The following ZNF292 variants were observed in gnomAD, a reference collection of about 807,000 sequenced individuals.
The protein encoded by ZNF292 is 16 zinc-finger domain protein.
Under a neutral mutation model 217.9 loss-of-function variants are expected in ZNF292, and 26 were observed. The observed-to-expected ratio is 0.12, with a 90% CI of 0.09 to 0.17. The LOEUF (loss-of-function observed/expected upper bound fraction) is 0.17, where lower values mean the gene tolerates loss of function less well. Among genes scored for constraint, ZNF292 ranks in the 10% least tolerant of loss-of-function variants. The pLI is 1.00. For missense variants in ZNF292, 2,904 were observed against 3,175.2 expected (o/e 0.91, Z 2.05); for synonymous variants, 1,257 against 1,124.1 (o/e 1.12, Z -2.37).
At chr6:87,226,133 T>C (rs530101158) in intron 4 of ZNF292, among the ~76,000 whole-genome samples, 2 of 152,298 alleles carry the variant, frequency 1.3e-5, no homozygotes, top group South Asian at 4.2e-4. Context: ...CTATATTGGG[T>C]TAATTTGCAA....
intron 4 of ZNF292, chr6:87,222,776 A>C (rs1377364113): frequency 4.4e-6 from 2 of 451,586 alleles, no homozygotes; most frequent in African/African-American, 4.0e-5. Context: ...CCAGGATTCC[A>C]TCCAGGATAC....
rs149315198 is a variant in ZNF292 at position 87,214,348 on chromosome 6, G to T, written c.169-1555G>T. The stretch of plus-strand genomic sequence containing the variant: ...AGATCAGGAATAGCTTTACCTTTGG[G>T]TTTCATGTGGATTGAGCTAAGGAAC... On this transcript the variant is annotated intron_variant, in intron 1 of 7. Coordinates refer to ENST00000369577, the MANE Select transcript of ZNF292 (RefSeq NM_015021.3). Among the ~76,000 whole-genome samples the T allele has an allele frequency of 9.4e-3, 1,430 of 152,102 alleles. 19 individuals are homozygous for T. The highest frequency in any genetic ancestry group is 0.032 in the African/African-American group (1,346 of 41,470).
chr6:87,169,755 T>A (rs1203196090), intron 1 of ZNF292: 3 of 428,804 alleles, frequency 7.0e-6, no homozygotes, highest in South Asian at 4.9e-5. Context: ...CAAGTGATCC[T>A]CCCACCTCAG....
chr6:87,207,154 G>A (rs1273664089), intron 1 of ZNF292, among the ~76,000 whole-genome samples: 3 of 152,206 alleles, frequency 2.0e-5, no homozygotes, highest in African/African-American at 7.2e-5. Context: ...GGGTACAGTT[G>A]TCTGCTTTCA....
intron 1 of ZNF292, among the ~76,000 whole-genome samples, chr6:87,196,978 A>G (rs1222657099): frequency 3.3e-5 from 5 of 152,238 alleles, no homozygotes; most frequent in Non-Finnish European, 4.4e-5. Context: ...TTTCTGTAAT[A>G]TATTAAATTC....
At position 87,257,796 on chromosome 6, in the gene ZNF292, A is replaced by G; in HGVS notation, c.4167A>G (p.Ser1389=). The G allele has an allele frequency of 6.2e-7, 1 of 1,613,846 alleles. No homozygotes were observed. The highest frequency in any genetic ancestry group is 8.5e-7 in the Non-Finnish European group (1 of 1,179,798). The change falls in exon 8 of 8, where the codon TCA becomes TCG. Residue 1389 remains serine (S), a synonymous_variant. Transcript: ENST00000369577. ...RCYRAFTNPR[S]LGGHLSKRSY... is the part of the protein sequence containing the mutation. ...ACAGGGCTTTTACTAATCCCAGATCACTGGGTGGGCACTTATCCAAGCGAT... is the reference window on the plus strand; with the variant it reads ...ACAGGGCTTTTACTAATCCCAGATCGCTGGGTGGGCACTTATCCAAGCGAT...
At chr6:87,251,272 T>C (rs1356348816) in intron 7 of ZNF292, among the ~76,000 whole-genome samples, 1 of 152,184 alleles carries the variant, frequency 6.6e-6, no homozygotes, top group Non-Finnish European at 1.5e-5. Flanking sequence ...CTGAAATACA[T>C]GGTAATTATT....
At chr6:87,242,065 A>G (rs1774318202) in intron 5 of ZNF292, among the ~76,000 whole-genome samples, 1 of 152,242 alleles carries the variant, frequency 6.6e-6, no homozygotes, top group South Asian at 2.1e-4. Flanking sequence ...TGGGAAAGTT[A>G]CGATTAATAA....
chr6:87,218,686 G>A lies in ZNF292; in HGVS notation c.493G>A (p.Val165Ile). The change falls in exon 4 of 8, where the codon GTA (valine) becomes ATA (isoleucine). Residue 165 changes from valine to isoleucine, a missense_variant. Val to Ile is a conservative substitution (Grantham distance 29). Transcript: ENST00000369577. Reference protein sequence around the residue: ...AQETGVWKNPVLCTILSQEPL... With the variant: ...AQETGVWKNPILCTILSQEPL... ...AGAGACTGGGGTGTGGAAAAACCCG[G>A]TACTGTGCACTATTCTTTCCCAGGA... 2 of 1,597,536 alleles carry A rather than the reference G, an allele frequency of 1.3e-6. No individual in the cohort carries two copies. The highest frequency in any genetic ancestry group is 1.7e-6 in the Non-Finnish European group (2 of 1,172,404).
At chr6:87,203,646 A>AT (rs1368992721) in intron 1 of ZNF292, among the ~76,000 whole-genome samples, 1 of 151,886 alleles carries the variant, frequency 6.6e-6, no homozygotes, top group East Asian at 1.9e-4. Flanking sequence ...CAAAGCCCAG[A>AT]TTGAGTAGTA....
At chr6:87,230,594 C>G (rs944651179) in intron 4 of ZNF292, among the ~76,000 whole-genome samples, 4 of 151,798 alleles carry the variant, frequency 2.6e-5, no homozygotes, top group Admixed American at 6.6e-5. Flanking sequence ...ATTAGCCGGG[C>G]GTGGTGGCGG....
chr6:87,160,487 A>ATGTGTGTGTGTGTGTG (rs141208047), intron 1 of ZNF292, among the ~76,000 whole-genome samples: 5 of 77,866 alleles, frequency 6.4e-5, no homozygotes, highest in African/African-American at 1.1e-4. Context: ...GTGTTTGTAT[A>ATGTGTGTGTGTGTGTG]TATATGTGTG....
chr6:87,196,463 C>G (rs1262591868), intron 1 of ZNF292, among the ~76,000 whole-genome samples: 1 of 152,200 alleles, frequency 6.6e-6, no homozygotes, highest in Non-Finnish European at 1.5e-5. Context: ...AACACAGTTA[C>G]ACACTTTGCT....
At chr6:87,228,105 G>C (rs985182588) in intron 4 of ZNF292, among the ~76,000 whole-genome samples, 2 of 152,004 alleles carry the variant, frequency 1.3e-5, no homozygotes. Context: ...ACCAACACTT[G>C]TTTTCTGTTT....
Position 87,232,732 on chromosome 6 carries a change from TG to T in ZNF292, c.539-591del, listed in dbSNP as rs1367091694. ...TAAAACCCACAGAAGTTTTATCCTT[TG>T]GCGAAGTTTTATCCTTTGGCAAACT... On this transcript the variant is annotated intron_variant, in intron 4 of 7. Coordinates refer to ENST00000369577, the MANE Select transcript of ZNF292 (RefSeq NM_015021.3). 3.6e-3 allele frequency among the ~76,000 whole-genome samples: 88 copies of T among 24,564 alleles called. No individual in the cohort carries two copies. The African/African-American group carries it at 0.061, about 17-fold the overall frequency. The allele number at this position is 24,564 out of a possible 152,430, so 16.1% of individuals were successfully genotyped here.
At chr6:87,236,317 G>C (rs773006350) in intron 5 of ZNF292, among the ~76,000 whole-genome samples, 3 of 152,130 alleles carry the variant, frequency 2.0e-5, no homozygotes, top group Non-Finnish European at 4.4e-5. Flanking sequence ...TCCAAGTGAG[G>C]CAAGGGATTG....
rs1210590275 is a variant in ZNF292 at position 87,265,626 on chromosome 6, ATTT to A, written c.*3828_*3830del. ...TCCAGACTTAATTGACCCTGAGAAC[ATTT>A]TTCTTCTTTTAATGTTAATACTTAG... On this transcript the variant is annotated 3_prime_UTR_variant, in exon 8 of 8. Coordinates refer to ENST00000369577, the MANE Select transcript of ZNF292 (RefSeq NM_015021.3). Among the ~76,000 whole-genome samples, 2 of 152,184 alleles carry A rather than the reference ATTT, an allele frequency of 1.3e-5. No individual in the cohort carries two copies. Among genetic ancestry groups the A allele is most frequent in the Non-Finnish European group, 2.9e-5 (2 of 68,024 alleles).
rs1775787949 is a variant in ZNF292, at chr6:87,265,927, A to G, written c.*4126A>G. 6.6e-6 allele frequency among the ~76,000 whole-genome samples: 1 copy of G among 152,224 alleles called. No homozygotes were observed. Among genetic ancestry groups the G allele is most frequent in the African/African-American group, 2.4e-5 (1 of 41,450 alleles). Reference sequence around the variant, plus strand: ...TGTGATTAAACGTTGATTAAAATCCAGTCATACTTGCCAGAAGCCCCTGCC... The same window carrying G: ...TGTGATTAAACGTTGATTAAAATCCGGTCATACTTGCCAGAAGCCCCTGCC... On this transcript the variant is annotated 3_prime_UTR_variant, in exon 8 of 8. Transcript: ENST00000369577.
intron 1 of ZNF292, among the ~76,000 whole-genome samples, chr6:87,196,778 C>G (rs1359599980): frequency 6.6e-6 from 1 of 152,156 alleles, no homozygotes; most frequent in Non-Finnish European, 1.5e-5. Context: ...GAAAGATAAT[C>G]TGAGAGACTG....
Sources: allele counts gnomAD v4.1 joint callset (sites outside exome capture counted in the v4.1 genomes callset), GRCh38; gene constraint gnomAD v4.1.1; transcripts MANE v1.5; gene names NCBI Gene and HGNC (gene_info 2026-07-23, HGNC 2026-07-21).